Variants in MACROD2 observed in about 807,000 individuals in gnomAD.
The protein encoded by MACROD2 is ADP-ribose glycohydrolase MACROD2.
A neutral mutation model predicts 70.4 loss-of-function variants in MACROD2; 36 were observed. The ratio of observed to expected loss-of-function variants is 0.51; its 90% CI spans 0.39 to 0.68. The LOEUF is 0.68. Ranked by LOEUF, MACROD2 falls within the 30% of genes least tolerant of loss-of-function variation. The pLI is 0.00. For synonymous variants in MACROD2, 172 were observed against 178.8 expected, an observed-to-expected ratio of 0.96 and a Z score of 0.30; for missense variants, 496 against 538.4, an observed-to-expected ratio of 0.92 and a Z score of 0.78.
intron 5 of MACROD2, among the ~76,000 whole-genome samples, chr20:14,971,505 G>C (rs892806111): frequency 2.0e-5 from 3 of 152,062 alleles, no homozygotes; most frequent in African/African-American, 7.2e-5. Context: ...TCTGTTCTAA[G>C]TATCTATTGA....
intron 3 of MACROD2, among the ~76,000 whole-genome samples, chr20:14,237,478 A>G (rs895439929): frequency 2.0e-5 from 3 of 151,058 alleles, no homozygotes; most frequent in African/African-American, 4.9e-5. Context: ...CATATTGTGT[A>G]TCTGCCTCAT....
In MACROD2 at chr20:14,660,794, G is replaced by A. The variant is rs367657765; in HGVS notation, c.302-24049G>A. Among the ~76,000 whole-genome samples the A allele has an allele frequency of 7.2e-4, 110 of 152,100 alleles. 2 individuals are homozygous for A. The South Asian group carries it at 0.015, about 20-fold the overall frequency. ...TTAGCTCCCACTTATAAGTGAGAAC[G>A]TGCGATTTTTGGTTTTCTCTTCCTG... On this transcript the variant is annotated intron_variant, in intron 4 of 17. Transcript: ENST00000684519.
At chr20:14,946,502 A>G (rs2074433637) in intron 5 of MACROD2, among the ~76,000 whole-genome samples, 1 of 152,176 alleles carries the variant, frequency 6.6e-6, no homozygotes, top group Admixed American at 6.5e-5. Flanking sequence ...ATAGATATAT[A>G]TGAGCCTTTT....
At chr20:15,912,966 C>T (rs1377525119) in intron 10 of MACROD2, among the ~76,000 whole-genome samples, 1 of 152,130 alleles carries the variant, frequency 6.6e-6, no homozygotes, top group African/African-American at 2.4e-5. Flanking sequence ...ACAAGGCCAG[C>T]CAGATCTGGG....
At chr20:15,055,521 T>C (rs1468303997) in intron 5 of MACROD2, among the ~76,000 whole-genome samples, 2 of 152,126 alleles carry the variant, frequency 1.3e-5, no homozygotes, top group Non-Finnish European at 2.9e-5. Context: ...CCCTCTTTCT[T>C]CAAATGCATT....
At chr20:15,912,566 G>A (rs1348175746) in intron 10 of MACROD2, among the ~76,000 whole-genome samples, 1 of 152,194 alleles carries the variant, frequency 6.6e-6, no homozygotes, top group Non-Finnish European at 1.5e-5. Flanking sequence ...ACTATACAGT[G>A]TGTTGTATTT....
intron 5 of MACROD2, among the ~76,000 whole-genome samples, chr20:14,928,884 G>A (rs768154194): frequency 3.9e-5 from 6 of 152,084 alleles, no homozygotes; most frequent in South Asian, 2.1e-4. Flanking sequence ...TGAAGAGCAC[G>A]CTTCCTGTTT....
chr20:14,359,411 T>C (rs1385605727), intron 3 of MACROD2, among the ~76,000 whole-genome samples: 1 of 152,118 alleles, frequency 6.6e-6, no homozygotes, highest in Admixed American at 6.5e-5. Flanking sequence ...AGTATGGAGA[T>C]TCCTCAAAAT....
intron 8 of MACROD2, among the ~76,000 whole-genome samples, chr20:15,752,098 G>A (rs187702335): frequency 4.1e-4 from 63 of 151,976 alleles, no homozygotes; most frequent in South Asian, 1.2e-3. Context: ...TACTTAATGC[G>A]TACAGAGATG....
chr20:14,624,371 A>G lies in MACROD2; in HGVS notation c.302-60472A>G, dbSNP rs1191991423. ...CAGTCTTTTACTAAGGGACATTTTA[A>G]TGCTGTCAACTTTGATTGGGTTTTA... On this transcript the variant is annotated intron_variant, in intron 4 of 17. Coordinates refer to ENST00000684519, the MANE Select transcript of MACROD2 (RefSeq NM_001351661.2). Among the ~76,000 whole-genome samples, 6 of 152,138 alleles carry G rather than the reference A, an allele frequency of 3.9e-5. No individual in the cohort carries two copies. The South Asian group carries it at 1.0e-3, about 26-fold the overall frequency.
chr20:14,791,097 C>T (rs2072445938), intron 5 of MACROD2, among the ~76,000 whole-genome samples: 1 of 152,122 alleles, frequency 6.6e-6, no homozygotes, highest in Middle Eastern at 3.4e-3. Flanking sequence ...TGAAATTTCA[C>T]GTGGCTATAT....
chr20:15,374,412 T>C (rs1006362207), intron 6 of MACROD2, among the ~76,000 whole-genome samples: 2 of 152,130 alleles, frequency 1.3e-5, no homozygotes, highest in African/African-American at 4.8e-5. Flanking sequence ...TATAGTCTTA[T>C]GGTCGCCAAA....
At chr20:14,405,178 C>G (rs186063198) in intron 3 of MACROD2, among the ~76,000 whole-genome samples, 2 of 152,166 alleles carry the variant, frequency 1.3e-5, no homozygotes, top group East Asian at 3.9e-4. Context: ...AATTTATGTA[C>G]TAAGCTAAAA....
intron 2 of MACROD2, among the ~76,000 whole-genome samples, chr20:14,043,157 C>G (rs964255048): frequency 3.3e-5 from 5 of 152,078 alleles, no homozygotes; most frequent in Non-Finnish European, 5.9e-5. Context: ...TGGGCTCAAG[C>G]AGTCCTCCCA....
At chr20:14,929,927 C>T (rs1035707277) in intron 5 of MACROD2, among the ~76,000 whole-genome samples, 3 of 151,766 alleles carry the variant, frequency 2.0e-5, no homozygotes, top group East Asian at 1.9e-4. Context: ...TTTGGGAGGC[C>T]GACACAGGCG....
At position 15,030,283 on chromosome 20, in the gene MACROD2, A is replaced by G. The variant is rs777081118; in HGVS notation, c.419-199657A>G. Among the ~76,000 whole-genome samples the G allele has an allele frequency of 1.2e-4, 19 of 152,114 alleles. 1 individual carries two copies. Among genetic ancestry groups the G allele is most frequent in the Non-Finnish European group, 2.4e-4 (16 of 68,026 alleles). On this transcript the variant is annotated intron_variant, in intron 5 of 17. Transcript: ENST00000684519. ...AGTCCTCAGCCTGGGAAATATGGTGAGACTCTGTCTCTACACAAAAATTTT... is the reference window on the plus strand; with the variant it reads ...AGTCCTCAGCCTGGGAAATATGGTGGGACTCTGTCTCTACACAAAAATTTT...
At chr20:14,726,475 A>T (rs973849609) in intron 5 of MACROD2, among the ~76,000 whole-genome samples, 17 of 152,154 alleles carry the variant, frequency 1.1e-4, no homozygotes, top group Admixed American at 7.2e-4. Flanking sequence ...TAAGCTTCTT[A>T]TCTGAGCAAG....
At chr20:14,366,251 C>G (rs6042695) in intron 3 of MACROD2, among the ~76,000 whole-genome samples, 35,189 of 151,802 alleles carry the variant, frequency 0.23, 4,208 homozygotes, top group East Asian at 0.33. Context: ...GCAATTCTGT[C>G]AATTTTTGCT....
intron 5 of MACROD2, among the ~76,000 whole-genome samples, chr20:14,853,087 G>A (rs947167228): frequency 2.0e-5 from 3 of 151,786 alleles, no homozygotes; most frequent in Non-Finnish European, 4.4e-5. Context: ...GTAGATAATG[G>A]GGAAATTCTA....
Sources: gnomAD v4.1 joint callset for allele counts (sites outside exome capture counted in the v4.1 genomes callset) on GRCh38, gnomAD v4.1.1 for gene constraint, MANE v1.5 for transcripts, NCBI Gene and HGNC (gene_info 2026-07-23, HGNC 2026-07-21) for gene names.